Variants in PDGFD observed in about 807,000 individuals in gnomAD.
The protein encoded by PDGFD is platelet-derived growth factor D.
A neutral mutation model predicts 44.7 loss-of-function variants in PDGFD; 30 were observed. That is an observed-to-expected ratio of 0.67 (90% CI 0.50 to 0.91). The LOEUF (loss-of-function observed/expected upper bound fraction) is 0.91, where lower values mean the gene tolerates loss of function less well. PDGFD is among the 40% of genes least tolerant of loss of function. The probability of loss-of-function intolerance (pLI) is 0.00; values close to 1 mark genes in which losing one functional copy is unlikely to be tolerated. For synonymous variants in PDGFD, 173 were observed against 168.4 expected, an observed-to-expected ratio of 1.03 and a Z score of -0.21; for missense variants, 445 against 457.8, an observed-to-expected ratio of 0.97 and a Z score of 0.25.
Position 104,006,232 on chromosome 11 carries a change from C to A in PDGFD, c.125-5977G>T, listed in dbSNP as rs79944283. Among the ~76,000 whole-genome samples, 3,696 of 152,270 alleles carry A rather than the reference C, an allele frequency of 0.024. 204 individuals carry two copies. The East Asian group carries it at 0.26, about 11-fold the overall frequency. ...ATTCTCAGGTCCTACTCCAGACCTA[C>A]AGAAGCAGAAATGCTGGGCACGGAA... On this transcript the variant is annotated intron_variant, in intron 1 of 6. Coordinates refer to ENST00000393158, the MANE Select transcript of PDGFD (RefSeq NM_025208.5).
At chr11:104,008,890 G>A (rs1485813546) in intron 1 of PDGFD, among the ~76,000 whole-genome samples, 1 of 151,740 alleles carries the variant, frequency 6.6e-6, no homozygotes, top group Non-Finnish European at 1.5e-5. Flanking sequence ...TATTATATAT[G>A]CATATTATAA....
chr11:103,913,716 T>C (rs1223873632), intron 6 of PDGFD, among the ~76,000 whole-genome samples: 1 of 152,128 alleles, frequency 6.6e-6, no homozygotes, highest in African/African-American at 2.4e-5. Flanking sequence ...ATCCAGGAGC[T>C]GGTTTTTTGA....
chr11:104,057,133 C>G (rs1227005873), intron 1 of PDGFD, among the ~76,000 whole-genome samples: 4 of 152,050 alleles, frequency 2.6e-5, no homozygotes, highest in Admixed American at 2.0e-4. Context: ...TCCCCTCCCC[C>G]TACAAAAAAT....
chr11:103,975,587 A>T (rs184539378), intron 3 of PDGFD, among the ~76,000 whole-genome samples: 53 of 152,202 alleles, frequency 3.5e-4, no homozygotes, highest in Non-Finnish European at 3.8e-4. Flanking sequence ...CCTGAATGGT[A>T]TTGCCTAGGT....
chr11:104,157,045 G>A (rs1032684691), intron 1 of PDGFD, among the ~76,000 whole-genome samples: 1 of 152,174 alleles, frequency 6.6e-6, no homozygotes, highest in African/African-American at 2.4e-5. Context: ...ATTCTGAAAT[G>A]TAGCTATTTG....
chr11:104,067,619 C>G (rs1165154599), intron 1 of PDGFD, among the ~76,000 whole-genome samples: 1 of 152,090 alleles, frequency 6.6e-6, no homozygotes, highest in African/African-American at 2.4e-5. Context: ...GGAGGTCAGC[C>G]AAGTGCATCA....
At chr11:104,018,072 T>C (rs1859887266) in intron 1 of PDGFD, among the ~76,000 whole-genome samples, 1 of 152,114 alleles carries the variant, frequency 6.6e-6, no homozygotes, top group Admixed American at 6.6e-5. Flanking sequence ...ACAGAAAATT[T>C]AACATGTGCC....
intron 1 of PDGFD, among the ~76,000 whole-genome samples, chr11:104,027,838 T>G (rs1860065875): frequency 6.6e-6 from 1 of 152,188 alleles, no homozygotes; most frequent in East Asian, 1.9e-4. Flanking sequence ...AATTGATATT[T>G]TCAAAGAACA....
At chr11:104,143,956 A>C (rs1158769535) in intron 1 of PDGFD, among the ~76,000 whole-genome samples, 1 of 151,814 alleles carries the variant, frequency 6.6e-6, no homozygotes, top group Non-Finnish European at 1.5e-5. Context: ...GACATTAAAG[A>C]AAGCTTCGAT....
chr11:103,927,403 T>C (rs1032599632), intron 5 of PDGFD, among the ~76,000 whole-genome samples: 20 of 152,270 alleles, frequency 1.3e-4, no homozygotes, highest in African/African-American at 4.3e-4. Context: ...ATCTTTTTTA[T>C]GCAAAAAAAG....
At chr11:103,951,278 C>T (rs766769059) in intron 3 of PDGFD, among the ~76,000 whole-genome samples, 1 of 152,076 alleles carries the variant, frequency 6.6e-6, no homozygotes, top group African/African-American at 2.4e-5. Context: ...AGGTTTTAGC[C>T]CTGAAAGGAG....
At position 103,935,958 on chromosome 11, in the gene PDGFD, T is replaced by C. The variant is rs150627187; in HGVS notation, c.772+7494A>G. On this transcript the variant is annotated intron_variant, in intron 5 of 6. Coordinates refer to ENST00000393158, the MANE Select transcript of PDGFD (RefSeq NM_025208.5). ...CAAGTTAGTTTGACTCTCAAGTCCA[T>C]GCTCTTTCCATTGCAACGTCCTTCT... Among the ~76,000 whole-genome samples, 879 of 152,320 alleles carry C rather than the reference T, an allele frequency of 5.8e-3. 10 individuals carry two copies. The highest frequency in any genetic ancestry group is 0.02 in the African/African-American group (847 of 41,572).
chr11:104,092,104 C>T (rs758718049), intron 1 of PDGFD, among the ~76,000 whole-genome samples: 75 of 152,148 alleles, frequency 4.9e-4, no homozygotes, highest in Non-Finnish European at 6.9e-4. Flanking sequence ...TAAGCCATGG[C>T]TCAGAGAGCA....
intron 1 of PDGFD, among the ~76,000 whole-genome samples, chr11:104,110,408 A>G (rs1170190988): frequency 6.6e-6 from 1 of 151,592 alleles, no homozygotes; most frequent in Non-Finnish European, 1.5e-5. Context: ...GTTATCTCAG[A>G]CCTCCGAAAA....
At chr11:104,049,991 G>T (rs931774152) in intron 1 of PDGFD, among the ~76,000 whole-genome samples, 5 of 152,162 alleles carry the variant, frequency 3.3e-5, no homozygotes, top group Admixed American at 6.5e-5. Flanking sequence ...AACAATAGAG[G>T]TAGGGGCCAT....
At chr11:104,161,749 A>T (rs1483506) in intron 1 of PDGFD, among the ~76,000 whole-genome samples, 1 of 152,124 alleles carries the variant, frequency 6.6e-6, no homozygotes, top group Non-Finnish European at 1.5e-5. Context: ...ATATTGCCCC[A>T]CTTGAAGAAT....
chr11:104,098,100 G>A (rs1011439753), intron 1 of PDGFD, among the ~76,000 whole-genome samples: 4 of 152,018 alleles, frequency 2.6e-5, no homozygotes, highest in Admixed American at 2.6e-4. Flanking sequence ...TGTTGAGATG[G>A]GTTCTCAACT....
chr11:103,947,796 C>T lies in PDGFD; in HGVS notation c.511-72G>A, dbSNP rs1858686851. 6 of 1,111,858 alleles carry T rather than the reference C, an allele frequency of 5.4e-6. No homozygotes were observed. In the South Asian group the frequency reaches 6.3e-5, roughly 12 times the overall value. 68.9% of individuals were successfully genotyped at this position (1,111,858 alleles called of 1,614,324 possible). On this transcript the variant is annotated intron_variant, in intron 3 of 6. Transcript: ENST00000393158. ...TTCATTATGTGCACAGTTTCAACAT[C>T]TCAGCCTTCTGAATCTTTTTCCAAC... is the stretch of plus-strand genomic sequence containing the variant.
chr11:104,045,053 A>G (rs998297642), intron 1 of PDGFD, among the ~76,000 whole-genome samples: 5 of 151,968 alleles, frequency 3.3e-5, no homozygotes, highest in African/African-American at 9.7e-5. Context: ...AAACAAACAA[A>G]CAAACAAACA....
Sources: allele counts gnomAD v4.1 joint callset (sites outside exome capture counted in the v4.1 genomes callset), GRCh38; gene constraint gnomAD v4.1.1; transcripts MANE v1.5; gene names NCBI Gene and HGNC (gene_info 2026-07-23, HGNC 2026-07-21).